Variants in COPZ2 observed in about 807,000 individuals in gnomAD.
The protein encoded by COPZ2 is coat protein complex I subunit zeta 2.
A neutral mutation model predicts 33.2 loss-of-function variants in COPZ2; 30 were observed. That is an observed-to-expected ratio of 0.90 (90% CI 0.68 to 1.23). The LOEUF is 1.23. Ranked by LOEUF, COPZ2 falls within the 50% of genes most tolerant of loss-of-function variation. The pLI is 0.00. For missense variants in COPZ2, 263 were observed against 262.4 expected (o/e 1.00, Z -0.02); for synonymous variants, 89 against 102.6 (o/e 0.87, Z 0.80).
the COPZ2 span, chr17:48,043,689 C>T: frequency 3.3e-6 from 1 of 305,672 alleles, no homozygotes; most frequent in Non-Finnish European, 4.8e-6. Context: ...TCAGCTCTTC[C>T]TCCAGGCATG....
rs1456435178 is a variant in COPZ2 at position 48,028,496 on chromosome 17, G to A, written c.561C>T (p.Gly187=). Residue 187 remains glycine, a synonymous_variant, in exon 8 of 9, where the codon GGC becomes GGT. Coordinates refer to ENST00000621465, the MANE Select transcript of COPZ2 (RefSeq NM_016429.4). This position sits in a 1 kb window ranked among gnomAD's most constrained non-coding sequence, Gnocchi z 4.5. ...CCTGGGCCACACTCTGTTCAGTCAAGCCGCCATCATCTGCCTGTAAGGAAG... is the reference window on the plus strand; with the variant it reads ...CCTGGGCCACACTCTGTTCAGTCAAACCGCCATCATCTGCCTGTAAGGAAG... ...QKVNFRADDG[G]LTEQSVAQVL... The A allele has an allele frequency of 6.2e-7, 1 of 1,608,936 alleles. No individual in the cohort carries two copies. The highest frequency in any genetic ancestry group is 8.5e-7 in the Non-Finnish European group (1 of 1,177,734).
At chr17:48,040,119 T>TACCCACCC (rs905467853), upstream of COPZ2, among the ~76,000 whole-genome samples, 3 of 126,916 alleles carry the variant, frequency 2.4e-5, no homozygotes, top group East Asian at 2.3e-4. Flanking sequence ...GAGAACCTGC[T>TACCCACCC]ACCCACCCAC....
At chr17:48,038,989 G>A (rs2037033594), upstream of COPZ2, among the ~76,000 whole-genome samples, 1 of 151,638 alleles carries the variant, frequency 6.6e-6, no homozygotes, top group African/African-American at 2.4e-5. Context: ...AATATTGCTT[G>A]TTTGAGACAC....
chr17:48,036,750 T>G, intron 2 of COPZ2, 101 bp downstream of exon 2: 1 of 1,139,224 alleles, frequency 8.8e-7, no homozygotes, highest in Non-Finnish European at 1.3e-6. Flanking sequence ...GGGTCTAAGC[T>G]GAGCTGCCCT....
intron 8 of COPZ2, among the ~76,000 whole-genome samples, chr17:48,027,339 G>C (rs1268722950): frequency 6.6e-6 from 1 of 152,200 alleles, no homozygotes; most frequent in Non-Finnish European, 1.5e-5. Context: ...GTGTTAACTG[G>C]CTTGGAGCCC....
At chr17:48,046,206 TC>T in the COPZ2 span, 21 of 152,358 alleles carry the variant, frequency 1.4e-4, no homozygotes, top group African/African-American at 4.6e-4. Context: ...TGAAAATTGT[TC>T]TGTATTTTTC....
At chr17:48,040,518 C>T (rs545371827), upstream of COPZ2, among the ~76,000 whole-genome samples, 87 of 151,086 alleles carry the variant, frequency 5.8e-4, no homozygotes, top group African/African-American at 2.1e-3. Context: ...CTGCAACCTC[C>T]GCCTCACGGG....
chr17:48,040,440 T>TG (rs1352190187), upstream of COPZ2, among the ~76,000 whole-genome samples: 2 of 150,156 alleles, frequency 1.3e-5, no homozygotes. Flanking sequence ...CAGATTTTTT[T>TG]TTTTTTTTTT....
Position 48,037,167 on chromosome 17 carries a change from TC to T in COPZ2, c.112-243del, listed in dbSNP as rs767152367. ...GTGCCCGTTGGGTGCAGAAGGTCCT[TC>T]CGGGCCCAAGTTCTGTCATGCACTG... On this transcript the variant is annotated intron_variant, in intron 1 of 8. Transcript: ENST00000621465. This position sits in a 1 kb window ranked among gnomAD's most constrained non-coding sequence, Gnocchi z 5.6. 8.0e-6 allele frequency: 6 copies of T among 745,782 alleles called. 1 individual carries two copies. The South Asian group carries it at 8.2e-5, about 10-fold the overall frequency. 46.2% of individuals were successfully genotyped at this position (745,782 alleles called of 1,614,324 possible).
chr17:48,047,642 TTCCGCCAACG>T, the COPZ2 span: 5 of 97,776 alleles, frequency 5.1e-5, no homozygotes, highest in African/African-American at 3.0e-4. Context: ...ACCGCCAACG[TTCCGCCAACG>T]TTCCGCCAAC....
At position 48,037,058 on chromosome 17, in the gene COPZ2, GC is replaced by G; in HGVS notation, c.112-134del. ...GTCCTCAAGGTCCACAGCTGGTTCT[GC>G]CCAGCCCTGTGCCACATGGGCCAAC... On this transcript the variant is annotated intron_variant, in intron 1 of 8. Coordinates refer to ENST00000621465, the MANE Select transcript of COPZ2 (RefSeq NM_016429.4). This position sits in a 1 kb window ranked among gnomAD's most constrained non-coding sequence, Gnocchi z 5.6. 1 of 859,722 alleles carries G rather than the reference GC, an allele frequency of 1.2e-6. No homozygotes were observed. Among genetic ancestry groups the G allele is most frequent in the Non-Finnish European group, 2.0e-6 (1 of 503,028 alleles). 53.3% of individuals were successfully genotyped at this position (859,722 alleles called of 1,614,324 possible). A position where few individuals can be genotyped will look rare whatever the true frequency, so the allele number is the denominator to read the frequency against.
rs759143392 is a variant in COPZ2, at chr17:48,037,124, A to G, written c.112-199T>C. Reference sequence around the variant, plus strand: ...CACTCCCAGGCAGATGTTCCACTGCAGGCCCCGAGTGGGCGCTGTGCCCGT... The same window carrying G: ...CACTCCCAGGCAGATGTTCCACTGCGGGCCCCGAGTGGGCGCTGTGCCCGT... On this transcript the variant is annotated intron_variant, in intron 1 of 8. Transcript: ENST00000621465. The surrounding 1 kb of genome is among the most constrained non-coding windows in gnomAD (Gnocchi z 5.6). 1 of 770,452 alleles carries G rather than the reference A, an allele frequency of 1.3e-6. No individual in the cohort carries two copies. The highest frequency in any genetic ancestry group is 1.7e-5 in the Admixed American group (1 of 58,192). The allele number at this position is 770,452 out of a possible 1,614,324, so 47.7% of individuals were successfully genotyped here.
rs748279756 is a variant in COPZ2, at chr17:48,028,462, G to C, written c.585+10C>G. 2.5e-6 allele frequency: 4 copies of C among 1,608,292 alleles called. No homozygotes were observed. The highest frequency in any genetic ancestry group is 1.3e-5 in the African/African-American group (1 of 74,824). The stretch of plus-strand genomic sequence containing the variant: ...CCATTTCTAGCCAAGGCAGATGCAG[G>C]GGGGCCTACCTGGGCCACACTCTGT... On this transcript the variant is annotated intron_variant, in intron 8 of 8. Transcript: ENST00000621465. This position sits in a 1 kb window ranked among gnomAD's most constrained non-coding sequence, Gnocchi z 4.5.
Position 48,032,203 on chromosome 17 carries a change from C to T in COPZ2, c.447G>A (p.Glu149=). Residue 149 remains glutamate, a synonymous_variant, in exon 6 of 9, where the codon GAG becomes GAA. Transcript: ENST00000621465. ...RKNVEKRWLL[E]NMDGAFLVLD... Reference sequence around the variant, plus strand: ...GCACCAAGAAGGCTCCGTCCATGTTCTCCAGCAACCAGCGCTTCTCCACGT... The same window carrying T: ...GCACCAAGAAGGCTCCGTCCATGTTTTCCAGCAACCAGCGCTTCTCCACGT... The T allele has an allele frequency of 6.2e-7, 1 of 1,613,504 alleles. No individual in the cohort carries two copies. The highest frequency in any genetic ancestry group is 8.5e-7 in the Non-Finnish European group (1 of 1,179,730).
In COPZ2 at chr17:48,032,750, G is replaced by A; in HGVS notation, c.361-9C>T. The A allele has an allele frequency of 6.3e-7, 1 of 1,586,208 alleles. No individual in the cohort carries two copies. Among genetic ancestry groups the A allele is most frequent in the Admixed American group, 1.8e-5 (1 of 55,704 alleles). On this transcript the variant is annotated splice_polypyrimidine_tract_variant and intron_variant, in intron 4 of 8. Coordinates refer to ENST00000621465, the MANE Select transcript of COPZ2 (RefSeq NM_016429.4). ...ACAGACATGAGCATCAGCTGGGATG[G>A]GCAGATACGGGAGGAGGAAAAGGAG...
chr17:48,039,483 AAGAAG>A (rs1225232173), upstream of COPZ2, among the ~76,000 whole-genome samples: 5 of 139,718 alleles, frequency 3.6e-5, no homozygotes, highest in African/African-American at 5.9e-5. Flanking sequence ...AAAAAAAAAA[AAGAAG>A]AAGAAGAAGA....
intron 6 of COPZ2, among the ~76,000 whole-genome samples, chr17:48,030,915 G>A (rs182615516): frequency 1.1e-3 from 160 of 152,262 alleles, no homozygotes; most frequent in African/African-American, 3.5e-3. Context: ...AAAACCTGGC[G>A]TTACCCCACT....
intron 6 of COPZ2, among the ~76,000 whole-genome samples, chr17:48,029,599 TG>T (rs1161525361): frequency 2.0e-5 from 3 of 151,952 alleles, no homozygotes; most frequent in Non-Finnish European, 4.4e-5. Context: ...TTTTATGGCA[TG>T]GGGTCATGCC....
In COPZ2 at chr17:48,029,390, A is replaced by G; in HGVS notation, c.495-214T>C. ...TTGATGCTTCAACCCAGTGGTCCAC[A>G]TGCTTTGTCATCCCTGGGCAAAATC... On this transcript the variant is annotated intron_variant, in intron 6 of 8. Transcript: ENST00000621465. The G allele has an allele frequency of 4.9e-6, 3 of 618,184 alleles. No homozygotes were observed. The South Asian group carries it at 5.8e-5, about 12-fold the overall frequency. 38.3% of individuals were successfully genotyped at this position (618,184 alleles called of 1,614,324 possible).
Sources: allele counts gnomAD v4.1 joint callset (sites outside exome capture counted in the v4.1 genomes callset), GRCh38; gene constraint gnomAD v4.1.1; non-coding constraint Gnocchi (gnomAD v3.1); transcripts MANE v1.5; gene names NCBI Gene and HGNC (gene_info 2026-07-23, HGNC 2026-07-21).